The following GPM6A variants were observed in gnomAD, a reference collection of about 807,000 sequenced individuals.
GPM6A encodes the protein glycoprotein M6A, also known as neuronal membrane glycoprotein M6-a.
Under a neutral mutation model 32.1 loss-of-function variants are expected in GPM6A, and 7 were observed. That is an observed-to-expected ratio of 0.22 (90% CI 0.12 to 0.41). The LOEUF (loss-of-function observed/expected upper bound fraction) is 0.41. GPM6A is among the 10% of genes least tolerant of loss of function. GPM6A has a pLI of 1.00. For synonymous variants in GPM6A, 130 were observed against 123.4 expected (o/e 1.05, Z -0.35); for missense variants, 235 against 347.2 (o/e 0.68, Z 2.57).
chr4:175,959,882 G>A lies in GPM6A; in HGVS notation c.-23+42427C>T, dbSNP rs57414204. On this transcript the variant is annotated intron_variant, in intron 1 of 7. Transcript: ENST00000280187. ...TGAGTATCTGTTCTCTTTAATTATA[G>A]TAACTAATATTAATTAGGAAATTAC... Among the ~76,000 whole-genome samples the A allele has an allele frequency of 5.0e-3, 765 of 152,202 alleles. 3 individuals are homozygous for A. Among genetic ancestry groups the A allele is most frequent in the African/African-American group, 0.017 (694 of 41,504 alleles).
At chr4:175,671,741 C>T (rs1317043958) in intron 3 of GPM6A, among the ~76,000 whole-genome samples, 2 of 152,068 alleles carry the variant, frequency 1.3e-5, no homozygotes, top group African/African-American at 4.8e-5. Context: ...GTTGGGACAG[C>T]CAGGGTATGG....
At chr4:175,804,373 C>T (rs1447397739) in intron 1 of GPM6A, among the ~76,000 whole-genome samples, 1 of 152,124 alleles carries the variant, frequency 6.6e-6, no homozygotes, top group Non-Finnish European at 1.5e-5. Context: ...CATAATCTTT[C>T]TTGGAACTGA....
chr4:175,808,010 C>T (rs1453209383), intron 1 of GPM6A, among the ~76,000 whole-genome samples: 2 of 152,284 alleles, frequency 1.3e-5, no homozygotes, highest in East Asian at 3.9e-4. Context: ...GTCCTTAGGC[C>T]AGTGTCTGGA....
chr4:175,796,442 C>T (rs1734231236), intron 1 of GPM6A, among the ~76,000 whole-genome samples: 1 of 152,122 alleles, frequency 6.6e-6, no homozygotes, highest in South Asian at 2.1e-4. Flanking sequence ...AGATACTTTT[C>T]TTCCTACTTG....
intron 3 of GPM6A, among the ~76,000 whole-genome samples, chr4:175,673,362 T>G (rs1743186058): frequency 6.6e-6 from 1 of 151,848 alleles, no homozygotes; most frequent in Non-Finnish European, 1.5e-5. Flanking sequence ...GCTTATAAAT[T>G]GGAGATGAAT....
chr4:175,757,658 G>T (rs1208669450), intron 1 of GPM6A, among the ~76,000 whole-genome samples: 2 of 152,092 alleles, frequency 1.3e-5, no homozygotes, highest in Non-Finnish European at 2.9e-5. Flanking sequence ...CACAATCAGA[G>T]ATTGGGTAAA....
intron 1 of GPM6A, among the ~76,000 whole-genome samples, chr4:175,922,515 C>T (rs920819198): frequency 6.6e-6 from 1 of 152,134 alleles, no homozygotes; most frequent in African/African-American, 2.4e-5. Context: ...TGGAAAGGTT[C>T]CCAAAGGCTT....
At chr4:175,722,150 G>T (rs144818671) in intron 1 of GPM6A, among the ~76,000 whole-genome samples, 1 of 151,848 alleles carries the variant, frequency 6.6e-6, no homozygotes, top group African/African-American at 2.4e-5. Flanking sequence ...AGCCTGGTGC[G>T]GGGGTGTGCA....
chr4:175,777,106 GAAGATAGTAAATGC>G (rs1439465645), intron 1 of GPM6A, among the ~76,000 whole-genome samples: 4 of 151,844 alleles, frequency 2.6e-5, no homozygotes, highest in Admixed American at 2.6e-4. Context: ...TTGTAGTAGG[GAAGATAGTAAATGC>G]AAGATAGTGA....
intron 1 of GPM6A, among the ~76,000 whole-genome samples, chr4:175,889,518 C>CAAAAAAAAAAAA (rs35210127): frequency 4.0e-4 from 55 of 137,018 alleles, no homozygotes; most frequent in African/African-American, 1.4e-3. Context: ...ACCCTGTCTC[C>CAAAAAAAAAAAA]AAAAAAAAAA....
At chr4:175,655,187 T>C (rs1742014390) in intron 3 of GPM6A, among the ~76,000 whole-genome samples, 3 of 152,080 alleles carry the variant, frequency 2.0e-5, no homozygotes, top group Admixed American at 2.0e-4. Context: ...GGTGAGAAAA[T>C]ATTTTCATTA....
intron 1 of GPM6A, 139 bp from the exon 2 acceptor site, chr4:175,701,906 T>C: frequency 1.8e-6 from 1 of 561,232 alleles, no homozygotes; most frequent in East Asian, 2.9e-5. Context: ...CTAGAGTGCA[T>C]TGAAGGATAC....
At chr4:175,794,785 T>G (rs1734152584) in intron 1 of GPM6A, among the ~76,000 whole-genome samples, 1 of 152,156 alleles carries the variant, frequency 6.6e-6, no homozygotes. Context: ...GAGAGACTAT[T>G]TCAATGCTGA....
At chr4:175,750,217 C>G (rs989541774) in intron 1 of GPM6A, among the ~76,000 whole-genome samples, 1 of 152,094 alleles carries the variant, frequency 6.6e-6, no homozygotes, top group African/African-American at 2.4e-5. Context: ...TGCCACCACA[C>G]CCTGCTAATT....
chr4:175,802,394 C>T (rs905166606), intron 1 of GPM6A, among the ~76,000 whole-genome samples: 2 of 152,060 alleles, frequency 1.3e-5, no homozygotes, highest in African/African-American at 4.8e-5. Context: ...AAATACTCTT[C>T]CGATACCATT....
intron 2 of GPM6A, among the ~76,000 whole-genome samples, chr4:175,678,389 G>A (rs981677665): frequency 2.0e-5 from 3 of 152,038 alleles, no homozygotes; most frequent in Admixed American, 6.6e-5. Flanking sequence ...ATTAGAGTAC[G>A]ACTAGAATGG....
At chr4:175,929,623 G>A (rs1738962674) in intron 1 of GPM6A, among the ~76,000 whole-genome samples, 1 of 152,012 alleles carries the variant, frequency 6.6e-6, no homozygotes, top group Non-Finnish European at 1.5e-5. Flanking sequence ...CTCTTCAAAC[G>A]TTTCCCTTTG....
chr4:175,859,743 T>A (rs2111417663), intron 1 of GPM6A, among the ~76,000 whole-genome samples: 1 of 151,508 alleles, frequency 6.6e-6, no homozygotes, highest in South Asian at 2.1e-4. Flanking sequence ...TGCCCTGGGG[T>A]TTTCCTAAAT....
At chr4:175,726,847 T>G (rs78742970) in intron 1 of GPM6A, among the ~76,000 whole-genome samples, 3,457 of 152,066 alleles carry the variant, frequency 0.023, 130 homozygotes, top group African/African-American at 0.08. Flanking sequence ...AATACAAAAA[T>G]TAGCCGGGTG....
Sources: allele counts gnomAD v4.1 joint callset (sites outside exome capture counted in the v4.1 genomes callset), GRCh38; gene constraint gnomAD v4.1.1; transcripts MANE v1.5; gene names NCBI Gene and HGNC (gene_info 2026-07-23, HGNC 2026-07-21).